The following ABLIM2 variants were observed in gnomAD, a reference collection of about 807,000 sequenced individuals.
ABLIM2 encodes actin-binding LIM protein 2.
In ABLIM2, 53 loss-of-function variants were observed where a neutral mutation model predicts 97.7. That is an observed-to-expected ratio of 0.54 (90% CI 0.44 to 0.68). ABLIM2 has a LOEUF of 0.68. Ranked by LOEUF, ABLIM2 falls within the 30% of genes least tolerant of loss-of-function variation. The probability of loss-of-function intolerance (pLI) is 0.00; values close to 1 mark genes in which losing one functional copy is unlikely to be tolerated. For missense variants in ABLIM2, 835 were observed against 867.2 expected (o/e 0.96, Z 0.47); for synonymous variants, 361 against 345.8 (o/e 1.04, Z -0.49).
At chr4:7,991,902 G>C (rs886067038) in intron 17 of ABLIM2, among the ~76,000 whole-genome samples, 4 of 152,218 alleles carry the variant, frequency 2.6e-5, no homozygotes, top group Admixed American at 1.3e-4. Context: ...CCTGGGGAGA[G>C]TACCTGCTTA....
chr4:8,141,589 C>G (rs929528869), intron 1 of ABLIM2, among the ~76,000 whole-genome samples: 3 of 152,146 alleles, frequency 2.0e-5, no homozygotes, highest in African/African-American at 4.8e-5. Context: ...GCTATGTTGC[C>G]TAGGCTAGTC....
At chr4:7,978,119 T>A (rs889757713) in intron 20 of ABLIM2, among the ~76,000 whole-genome samples, 1 of 152,174 alleles carries the variant, frequency 6.6e-6, no homozygotes, top group African/African-American at 2.4e-5. Flanking sequence ...AGCTCTTTCC[T>A]CTGAAAGAAA....
chr4:7,988,687 G>C (rs1201556508), intron 17 of ABLIM2, among the ~76,000 whole-genome samples: 1 of 152,178 alleles, frequency 6.6e-6, no homozygotes, highest in African/African-American at 2.4e-5. Context: ...CCATGCTATG[G>C]AGCTTATAAA....
At chr4:8,020,356 G>T in intron 12 of ABLIM2, 53 bp from the exon 13 acceptor site, 1 of 1,479,796 alleles carries the variant, frequency 6.8e-7, no homozygotes. Context: ...GGAAAGCAAA[G>T]TAGAATATTT....
At position 8,043,065 on chromosome 4, in the gene ABLIM2, C is replaced by T. The variant is rs751782273; in HGVS notation, c.900+2099G>A. On this transcript the variant is annotated intron_variant, in intron 9 of 20. Coordinates refer to ENST00000447017, the MANE Select transcript of ABLIM2 (RefSeq NM_001130083.2). The surrounding 1 kb of genome is among the most constrained non-coding windows in gnomAD (Gnocchi z 4.8). ...ACTCGGGATGCTGAGGTGGGAGGAT[C>T]GCCTGAGCCCGGGGAGGTTGAGGCT... is the stretch of plus-strand genomic sequence containing the variant. Among the ~76,000 whole-genome samples the T allele has an allele frequency of 1.3e-5, 2 of 151,488 alleles. No homozygotes were observed. The highest frequency in any genetic ancestry group is 2.1e-4 in the South Asian group (1 of 4,778).
intron 1 of ABLIM2, among the ~76,000 whole-genome samples, chr4:8,153,827 T>C (rs1408210257): frequency 6.6e-6 from 1 of 152,240 alleles, no homozygotes; most frequent in Non-Finnish European, 1.5e-5. Context: ...CGGAAAACTT[T>C]GTTCCTTCTC....
chr4:7,979,143 G>A (rs1736009494), intron 20 of ABLIM2, among the ~76,000 whole-genome samples: 1 of 152,218 alleles, frequency 6.6e-6, no homozygotes. Flanking sequence ...TAACACATCA[G>A]AACCTTTTGG....
chr4:8,076,392 G>A (rs1219509288), intron 6 of ABLIM2, among the ~76,000 whole-genome samples: 1 of 152,180 alleles, frequency 6.6e-6, no homozygotes, highest in Non-Finnish European at 1.5e-5. Context: ...GGGGATCCAA[G>A]GGTACACCCC....
In ABLIM2 at chr4:8,069,555, G is replaced by C. The variant is rs1043854564; in HGVS notation, c.675+8073C>G. Among the ~76,000 whole-genome samples, 4 of 152,318 alleles carry C rather than the reference G, an allele frequency of 2.6e-5. No homozygotes were observed. The highest frequency in any genetic ancestry group is 2.9e-5 in the Non-Finnish European group (2 of 68,024). ...AAGGCAGAGATGCGGCAAAGGGTGT[G>C]TGCGCATGTGCGTGTCTGTGTGTCT... On this transcript the variant is annotated intron_variant, in intron 6 of 20. Transcript: ENST00000447017. The surrounding 1 kb of genome is among the most constrained non-coding windows in gnomAD (Gnocchi z 4.2).
chr4:8,042,245 C>T lies in ABLIM2; in HGVS notation c.900+2919G>A, dbSNP rs534872778. On this transcript the variant is annotated intron_variant, in intron 9 of 20. Transcript: ENST00000447017. ...CAACCAGAGTTCCTCTTCCCCAAGG[C>T]GGGTCATAGAAACTAGAAGTTCCTC... 1.2e-4 allele frequency among the ~76,000 whole-genome samples: 19 copies of T among 152,254 alleles called. No homozygotes were observed. The South Asian group carries it at 2.1e-3, about 17-fold the overall frequency.
chr4:7,969,892 G>C (rs1390101445), intron 20 of ABLIM2, among the ~76,000 whole-genome samples: 1 of 152,034 alleles, frequency 6.6e-6, no homozygotes, highest in Non-Finnish European at 1.5e-5. Flanking sequence ...CTGAGATCAG[G>C]GTTTCTTGGT....
At chr4:8,006,797 TGC>T (rs1203166089) in intron 16 of ABLIM2, among the ~76,000 whole-genome samples, 1 of 152,042 alleles carries the variant, frequency 6.6e-6, no homozygotes, top group Non-Finnish European at 1.5e-5. Flanking sequence ...TTGCCCTGCC[TGC>T]AGATGAGGTG....
intron 9 of ABLIM2, among the ~76,000 whole-genome samples, 157 bp downstream of exon 9, chr4:8,045,007 T>C (rs1395248128): frequency 6.6e-6 from 1 of 152,120 alleles, no homozygotes; most frequent in Non-Finnish European, 1.5e-5. Context: ...TGTACCAACC[T>C]CCACCCCGAA....
Position 8,077,725 on chromosome 4 carries a change from C to A in ABLIM2, c.582-4G>T. On this transcript the variant is annotated splice_region_variant and splice_polypyrimidine_tract_variant and intron_variant, in intron 5 of 20. Coordinates refer to ENST00000447017, the MANE Select transcript of ABLIM2 (RefSeq NM_001130083.2). ...TTCGCAGTAGGGCAGCCCATCCCTGCAATGAGACAGGCAGTCAACACAGGG... is the reference window on the plus strand; with the variant it reads ...TTCGCAGTAGGGCAGCCCATCCCTGAAATGAGACAGGCAGTCAACACAGGG... The A allele has an allele frequency of 1.2e-6, 2 of 1,609,790 alleles. No individual in the cohort carries two copies. Among genetic ancestry groups the A allele is most frequent in the Non-Finnish European group, 1.7e-6 (2 of 1,177,700 alleles).
rs1343402875 is a variant in ABLIM2 at position 8,072,605 on chromosome 4, CAGG to C, written c.675+5020_675+5022del. On this transcript the variant is annotated intron_variant, in intron 6 of 20. Coordinates refer to ENST00000447017, the MANE Select transcript of ABLIM2 (RefSeq NM_001130083.2). The surrounding 1 kb of genome is among the most constrained non-coding windows in gnomAD (Gnocchi z 5.8). ...AAAATGCAAACCTGCATCTGTGCAC[CAGG>C]AGAAGACAAAGGGTTGGGGGAAACC... Among the ~76,000 whole-genome samples the C allele has an allele frequency of 6.6e-6, 1 of 152,242 alleles. No individual in the cohort carries two copies. The highest frequency in any genetic ancestry group is 2.4e-5 in the African/African-American group (1 of 41,468).
chr4:8,151,628 C>T (rs951783883), intron 1 of ABLIM2, among the ~76,000 whole-genome samples: 13 of 152,084 alleles, frequency 8.5e-5, no homozygotes, highest in African/African-American at 2.4e-4. Context: ...AAACAGTGGG[C>T]GGGGTGGGGC....
chr4:8,134,529 C>T (rs1216406840), intron 1 of ABLIM2, among the ~76,000 whole-genome samples: 2 of 152,242 alleles, frequency 1.3e-5, no homozygotes, highest in Non-Finnish European at 1.5e-5. Context: ...CTGCAAAATG[C>T]AGACCACATG....
Position 8,071,704 on chromosome 4 carries a change from CG to C in ABLIM2, c.675+5923del. ...CTCTGTCCCCAAAAACCCACCCACC[CG>C]CAGCCCCTCCTGGCCCCTGTGAGCC... On this transcript the variant is annotated intron_variant, in intron 6 of 20. Transcript: ENST00000447017. The surrounding 1 kb of genome is among the most constrained non-coding windows in gnomAD (Gnocchi z 6.2). The C allele has an allele frequency of 8.7e-6, 8 of 923,478 alleles. No individual in the cohort carries two copies. The highest frequency in any genetic ancestry group is 5.0e-5 in the South Asian group (1 of 20,130). 57.2% of individuals were successfully genotyped at this position (923,478 alleles called of 1,614,324 possible).
chr4:8,096,961 G>A (rs1477378755), intron 3 of ABLIM2, 138 bp downstream of exon 3: 6 of 1,113,418 alleles, frequency 5.4e-6, no homozygotes, highest in Non-Finnish European at 7.6e-6. Context: ...TGCAGACTGT[G>A]GGGCCTGGAA....
Sources: allele counts gnomAD v4.1 joint callset (sites outside exome capture counted in the v4.1 genomes callset), GRCh38; gene constraint gnomAD v4.1.1; non-coding constraint Gnocchi (gnomAD v3.1); transcripts MANE v1.5; gene names NCBI Gene and HGNC (gene_info 2026-07-23, HGNC 2026-07-21).